The following COL5A2 variants were observed in gnomAD, a reference collection of about 807,000 sequenced individuals.
COL5A2 encodes the protein collagen type V alpha 2 chain, also known as collagen alpha-2(V) chain.
Under a neutral mutation model 208.2 loss-of-function variants are expected in COL5A2, and 23 were observed. The observed-to-expected ratio is 0.11, with a 90% CI of 0.08 to 0.16. COL5A2 has a LOEUF of 0.16. Among genes scored for constraint, COL5A2 ranks in the 10% least tolerant of loss-of-function variants. The pLI, the probability that COL5A2 is intolerant of heterozygous loss-of-function variation, is 1.00. For synonymous variants in COL5A2, 625 were observed against 628.5 expected (o/e 0.99, Z 0.08); for missense variants, 1,590 against 1,956.4 (o/e 0.81, Z 3.53).
At chr2:189,143,738 G>C (rs1193703032) in intron 1 of COL5A2, among the ~76,000 whole-genome samples, 2 of 152,122 alleles carry the variant, frequency 1.3e-5, no homozygotes, top group African/African-American at 2.4e-5. Context: ...CAATGAAAGA[G>C]AGACGTGTGG....
At chr2:189,201,146 A>G (rs1689063396) in intron 1 of COL5A2, among the ~76,000 whole-genome samples, 1 of 152,094 alleles carries the variant, frequency 6.6e-6, no homozygotes, top group Non-Finnish European at 1.5e-5. Context: ...AATTATATAA[A>G]AAGTTAATTA....
the COL5A2 span, among the ~76,000 whole-genome samples, chr2:189,242,719 G>A: frequency 6.6e-6 from 1 of 152,188 alleles, no homozygotes; most frequent in Non-Finnish European, 1.5e-5. Context: ...TTCAAACAAA[G>A]TATAAAGTGG....
the COL5A2 span, among the ~76,000 whole-genome samples, chr2:189,412,045 C>G: frequency 1.2e-4 from 18 of 152,162 alleles, no homozygotes; most frequent in Admixed American, 4.6e-4. Flanking sequence ...GTACTAACAT[C>G]TGTTTCAGTT....
the COL5A2 span, among the ~76,000 whole-genome samples, chr2:189,259,227 A>T: frequency 2.0e-5 from 3 of 152,080 alleles, no homozygotes; most frequent in Non-Finnish European, 4.4e-5. Context: ...CAAGCAAAAA[A>T]TGCTTATTTC....
the COL5A2 span, among the ~76,000 whole-genome samples, chr2:189,384,246 T>C: frequency 6.6e-6 from 1 of 152,170 alleles, no homozygotes; most frequent in African/African-American, 2.4e-5. Flanking sequence ...TTGATACCTA[T>C]TTCCTTTCTT....
chr2:189,325,009 C>T, the COL5A2 span, among the ~76,000 whole-genome samples: 1 of 152,140 alleles, frequency 6.6e-6, no homozygotes, highest in African/African-American at 2.4e-5. Flanking sequence ...GAGTTCATGT[C>T]CTTTGTAGGG....
At chr2:189,333,067 C>A in the COL5A2 span, among the ~76,000 whole-genome samples, 2 of 151,772 alleles carry the variant, frequency 1.3e-5, no homozygotes, top group Non-Finnish European at 2.9e-5. Context: ...TATCTCACAG[C>A]AAAATTCATA....
At chr2:189,034,246 G>A (rs1685397683) in intron 53 of COL5A2, 30 bp from the exon 54 acceptor site, 3 of 1,612,992 alleles carry the variant, frequency 1.9e-6, no homozygotes, top group Non-Finnish European at 2.5e-6. Flanking sequence ...TGGGTTAAAT[G>A]TACATACAAT....
At chr2:189,432,916 A>G in the COL5A2 span, among the ~76,000 whole-genome samples, 1 of 152,190 alleles carries the variant, frequency 6.6e-6, no homozygotes, top group Admixed American at 6.5e-5. Flanking sequence ...TCTAAAATTG[A>G]CCACATAATT....
At chr2:189,034,743 C>T (rs1264927736) in intron 53 of COL5A2, among the ~76,000 whole-genome samples, 173 bp downstream of exon 53, 2 of 152,162 alleles carry the variant, frequency 1.3e-5, no homozygotes, top group African/African-American at 4.8e-5. Flanking sequence ...AAACCTCTAT[C>T]ATGCTTCATG....
At chr2:189,253,492 G>A in the COL5A2 span, among the ~76,000 whole-genome samples, 2 of 152,214 alleles carry the variant, frequency 1.3e-5, no homozygotes, top group East Asian at 1.9e-4. Context: ...GCTGTAAAAC[G>A]TAGAGAGTCA....
At chr2:189,417,220 T>C in the COL5A2 span, among the ~76,000 whole-genome samples, 1 of 152,162 alleles carries the variant, frequency 6.6e-6, no homozygotes, top group Non-Finnish European at 1.5e-5. Flanking sequence ...TCTATTTTTA[T>C]TTTATTGCAA....
At chr2:189,078,906 C>T (rs1355057495) in intron 15 of COL5A2, among the ~76,000 whole-genome samples, 157 bp downstream of exon 15, 6 of 152,190 alleles carry the variant, frequency 3.9e-5, no homozygotes. Flanking sequence ...CTCAACTCTC[C>T]TGTGCTTGTC....
intron 34 of COL5A2, 100 bp from the exon 35 acceptor site, chr2:189,057,126 G>C: frequency 7.4e-7 from 1 of 1,351,738 alleles, no homozygotes; most frequent in Non-Finnish European, 1.1e-6. Context: ...CATTTTCCTA[G>C]TCGTATCCAG....
At chr2:189,405,128 T>C in the COL5A2 span, among the ~76,000 whole-genome samples, 1 of 152,176 alleles carries the variant, frequency 6.6e-6, no homozygotes, top group Admixed American at 6.5e-5. Flanking sequence ...ACCATTATTA[T>C]CAATATTATT....
intron 1 of COL5A2, among the ~76,000 whole-genome samples, chr2:189,222,765 G>C (rs1689363929): frequency 6.6e-6 from 1 of 152,140 alleles, no homozygotes; most frequent in Non-Finnish European, 1.5e-5. Flanking sequence ...TTGTAGTTTA[G>C]GAAAGGAAAT....
At chr2:189,239,555 T>C in the COL5A2 span, among the ~76,000 whole-genome samples, 2 of 134,396 alleles carry the variant, frequency 1.5e-5, no homozygotes, top group Admixed American at 1.8e-4. Flanking sequence ...CACTCATAGT[T>C]GGGAATTGAA....
At chr2:189,399,275 G>C in the COL5A2 span, among the ~76,000 whole-genome samples, 1 of 146,078 alleles carries the variant, frequency 6.8e-6, no homozygotes, top group South Asian at 2.1e-4. Flanking sequence ...TTTTGAGATG[G>C]AATCTTGCTC....
chr2:189,048,355 T>C, intron 44 of COL5A2, 93 bp from the exon 45 acceptor site: 1 of 1,132,418 alleles, frequency 8.8e-7, no homozygotes, highest in Non-Finnish European at 1.3e-6. Flanking sequence ...GTTTTACACC[T>C]GTGTTTTATA....
Sources: gnomAD v4.1 joint callset for allele counts (sites outside exome capture counted in the v4.1 genomes callset) on GRCh38, gnomAD v4.1.1 for gene constraint, MANE v1.5 for transcripts, NCBI Gene and HGNC (gene_info 2026-07-23, HGNC 2026-07-21) for gene names.